The following SRGAP1 variants were observed in gnomAD, a reference collection of about 807,000 sequenced individuals.
SRGAP1 encodes the protein SLIT-ROBO Rho GTPase-activating protein 1.
Under a neutral mutation model 121.9 loss-of-function variants are expected in SRGAP1, and 43 were observed. That is an observed-to-expected ratio of 0.35 (90% CI 0.28 to 0.46). SRGAP1 has a LOEUF of 0.46. SRGAP1 is among the 20% of genes least tolerant of loss of function. The pLI is 1.00. For missense variants in SRGAP1, 1,102 were observed against 1,350.9 expected (o/e 0.82, Z 2.89); for synonymous variants, 447 against 485.4 (o/e 0.92, Z 1.04).
intron 15 of SRGAP1, among the ~76,000 whole-genome samples, chr12:64,098,786 A>T (rs372716157): frequency 2.0e-5 from 3 of 152,170 alleles, no homozygotes; most frequent in Admixed American, 6.5e-5. Flanking sequence ...CTACCCTACC[A>T]TATTTACTGT....
intron 3 of SRGAP1, among the ~76,000 whole-genome samples, chr12:63,991,218 C>T (rs1265143513): frequency 1.3e-5 from 2 of 152,180 alleles, no homozygotes; most frequent in African/African-American, 4.8e-5. Flanking sequence ...TATACCTGTA[C>T]CTCTATTCAG....
At chr12:64,114,430 A>C (rs1204703140) in intron 17 of SRGAP1, among the ~76,000 whole-genome samples, 1 of 143,844 alleles carries the variant, frequency 7.0e-6, no homozygotes, top group East Asian at 2.0e-4. Flanking sequence ...TTCCCACTGC[A>C]ACCTCTGCCT....
intron 4 of SRGAP1, among the ~76,000 whole-genome samples, chr12:64,029,232 A>G (rs1392068919): frequency 1.3e-5 from 2 of 152,170 alleles, no homozygotes; most frequent in African/African-American, 4.8e-5. Context: ...GTTACTCCCC[A>G]TTTGGCCAAA....
intron 1 of SRGAP1, among the ~76,000 whole-genome samples, chr12:63,930,407 T>C (rs1419213482): frequency 6.6e-6 from 1 of 151,434 alleles, no homozygotes; most frequent in Non-Finnish European, 1.5e-5. Flanking sequence ...AAAGCAATAT[T>C]AAGTATTTGA....
chr12:63,986,183 TTCTC>T (rs1406228650), intron 2 of SRGAP1, among the ~76,000 whole-genome samples: 3 of 151,592 alleles, frequency 2.0e-5, no homozygotes, highest in African/African-American at 4.8e-5. Flanking sequence ...CCTTTCTCTC[TTCTC>T]TCTCTTTCTC....
chr12:64,109,277 T>TA (rs906042834), intron 16 of SRGAP1, among the ~76,000 whole-genome samples: 89 of 151,440 alleles, frequency 5.9e-4, no homozygotes, highest in South Asian at 1.9e-3. Flanking sequence ...TAAATATTAC[T>TA]AAAAAAAAAC....
intron 1 of SRGAP1, among the ~76,000 whole-genome samples, chr12:63,970,224 G>A (rs112239283): frequency 4.6e-5 from 7 of 152,306 alleles, no homozygotes; most frequent in Admixed American, 1.3e-4. Context: ...TTGTAGATGC[G>A]TAATTAGGGG....
chr12:63,919,825 G>GTAGC (rs1291149196), intron 1 of SRGAP1, among the ~76,000 whole-genome samples: 1 of 152,126 alleles, frequency 6.6e-6, no homozygotes, highest in Admixed American at 6.5e-5. Flanking sequence ...ATTGTTGCAT[G>GTAGC]TAGCTGTAGT....
intron 3 of SRGAP1, among the ~76,000 whole-genome samples, chr12:63,991,555 T>A (rs1474639386): frequency 1.3e-5 from 2 of 152,202 alleles, no homozygotes; most frequent in Non-Finnish European, 1.5e-5. Context: ...AGTAGAGTTT[T>A]AAAAAAATAA....
chr12:64,142,260 C>T, intron 21 of SRGAP1, 35 bp from the exon 22 acceptor site: 1 of 1,598,316 alleles, frequency 6.3e-7, no homozygotes, highest in Non-Finnish European at 8.5e-7. Flanking sequence ...CATTATCAGT[C>T]TGTGCTTTCT....
intron 4 of SRGAP1, among the ~76,000 whole-genome samples, chr12:64,037,950 AT>A (rs1403822383): frequency 1.3e-5 from 2 of 152,170 alleles, no homozygotes; most frequent in Non-Finnish European, 1.5e-5. Context: ...GAGTGACTGT[AT>A]CCCTTAGATA....
At chr12:64,043,102 GA>G in intron 5 of SRGAP1, 130 bp downstream of exon 5, 1 of 703,700 alleles carries the variant, frequency 1.4e-6, no homozygotes, top group Non-Finnish European at 2.3e-6. Context: ...CCATGGGAAT[GA>G]GAAATGTTTA....
At chr12:63,922,166 A>G (rs1261742227) in intron 1 of SRGAP1, among the ~76,000 whole-genome samples, 5 of 151,848 alleles carry the variant, frequency 3.3e-5, no homozygotes, top group South Asian at 2.1e-4. Flanking sequence ...TTTATTAGAG[A>G]CGGGGTCTTG....
intron 1 of SRGAP1, among the ~76,000 whole-genome samples, chr12:63,941,556 T>C (rs1442277697): frequency 1.3e-5 from 2 of 152,202 alleles, no homozygotes; most frequent in African/African-American, 4.8e-5. Flanking sequence ...AGAAGTTCAC[T>C]TGGGTTTCAC....
chr12:63,929,051 C>T, intron 1 of SRGAP1, among the ~76,000 whole-genome samples: 1 of 151,176 alleles, frequency 6.6e-6, no homozygotes, highest in Non-Finnish European at 1.5e-5. Flanking sequence ...CGGACCAATA[C>T]CCATCCATGG....
intron 4 of SRGAP1, among the ~76,000 whole-genome samples, chr12:64,019,174 G>A (rs942348571): frequency 6.6e-6 from 1 of 152,170 alleles, no homozygotes; most frequent in Non-Finnish European, 1.5e-5. Flanking sequence ...AGTCAATAGA[G>A]TGTCCTGAAA....
chr12:63,995,955 C>T (rs2033687407), intron 3 of SRGAP1, among the ~76,000 whole-genome samples: 2 of 150,372 alleles, frequency 1.3e-5, no homozygotes, highest in Admixed American at 1.3e-4. Context: ...AATATTCAAA[C>T]ATGTTTTAGT....
chr12:63,923,422 G>A (rs2031142286), intron 1 of SRGAP1, among the ~76,000 whole-genome samples: 1 of 151,986 alleles, frequency 6.6e-6, no homozygotes, highest in Non-Finnish European at 1.5e-5. Flanking sequence ...TTAATTTAAG[G>A]GGTGATTAGG....
intron 15 of SRGAP1, among the ~76,000 whole-genome samples, chr12:64,105,774 ACT>A (rs1565683217): frequency 6.6e-6 from 1 of 151,630 alleles, no homozygotes; most frequent in Admixed American, 6.6e-5. Context: ...ACAGAGTAAG[ACT>A]CTGTCTCAAA....
Sources: allele counts gnomAD v4.1 joint callset (sites outside exome capture counted in the v4.1 genomes callset), GRCh38; gene constraint gnomAD v4.1.1; transcripts MANE v1.5; gene names NCBI Gene and HGNC (gene_info 2026-07-23, HGNC 2026-07-21).